The following CREB5 variants were observed in gnomAD, a reference collection of about 807,000 sequenced individuals.
CREB5 encodes the protein cyclic AMP-responsive element-binding protein 5.
CREB5 carries 19 observed loss-of-function variants against 57.1 expected under a neutral mutation model. The ratio of observed to expected loss-of-function variants is 0.33; its 90% CI spans 0.23 to 0.49. The LOEUF (loss-of-function observed/expected upper bound fraction) is 0.49, where lower values mean the gene tolerates loss of function less well. Among genes scored for constraint, CREB5 ranks in the 20% least tolerant of loss-of-function variants. The pLI, the probability that CREB5 is intolerant of heterozygous loss-of-function variation, is 0.99. For missense variants in CREB5, 579 were observed against 671.6 expected (o/e 0.86, Z 1.52); for synonymous variants, 238 against 238.3 (o/e 1.00, Z 0.01).
intron 5 of CREB5, among the ~76,000 whole-genome samples, chr7:28,583,484 G>A (rs151025064): frequency 1.4e-4 from 22 of 152,238 alleles, no homozygotes; most frequent in African/African-American, 5.3e-4. Context: ...ATGGGGATCT[G>A]TCCATTTCAA....
intron 5 of CREB5, among the ~76,000 whole-genome samples, chr7:28,647,626 G>T (rs1277194120): frequency 3.3e-5 from 5 of 152,134 alleles, no homozygotes; most frequent in Non-Finnish European, 7.4e-5. Flanking sequence ...AGTTGGCCAG[G>T]ATAATTCTTA....
At chr7:28,726,531 A>C (rs1803347583) in intron 7 of CREB5, 1 of 152,162 alleles carries the variant, frequency 6.6e-6, no homozygotes, top group Non-Finnish European at 1.5e-5. Flanking sequence ...GTGAAGGAAA[A>C]AAAAAACTTG....
At chr7:28,467,623 A>G in intron 1 of CREB5, among the ~76,000 whole-genome samples, 1 of 152,174 alleles carries the variant, frequency 6.6e-6, no homozygotes, top group East Asian at 1.9e-4. Flanking sequence ...AAGCAGAAAG[A>G]GAAGTTGCTG....
chr7:28,686,056 C>A, intron 5 of CREB5: 1 of 1,437,406 alleles, frequency 7.0e-7, no homozygotes, highest in Non-Finnish European at 9.7e-7. Context: ...CACATTACAT[C>A]ATCGCTTGGC....
Position 28,673,961 on chromosome 7 carries a change from C to A in CREB5, c.465-44792C>A, listed in dbSNP as rs1049590766. Among the ~76,000 whole-genome samples, 6 of 152,032 alleles carry A rather than the reference C, an allele frequency of 3.9e-5. No homozygotes were observed. In the South Asian group the frequency reaches 1.0e-3, roughly 26 times the overall value. On this transcript the variant is annotated intron_variant, in intron 5 of 10. Coordinates refer to ENST00000357727, the MANE Select transcript of CREB5 (RefSeq NM_182898.4). ...AGTGCCAGAATTACAGGTGTGGCTG[C>A]CATGTCCAACCAATTTATCTCTTGC...
intron 5 of CREB5, among the ~76,000 whole-genome samples, chr7:28,618,869 A>G (rs1797688894): frequency 6.6e-6 from 1 of 152,242 alleles, no homozygotes; most frequent in South Asian, 2.1e-4. Context: ...GAGGTTAGGT[A>G]TGGTTCTGAC....
intron 5 of CREB5, among the ~76,000 whole-genome samples, chr7:28,605,218 A>T (rs534928309): frequency 6.6e-6 from 1 of 152,322 alleles, no homozygotes; most frequent in South Asian, 2.1e-4. Flanking sequence ...GAAAGTATTC[A>T]TATTTGGTGG....
intron 5 of CREB5, among the ~76,000 whole-genome samples, chr7:28,695,084 G>T (rs1033280963): frequency 1.3e-5 from 2 of 151,982 alleles, no homozygotes; most frequent in African/African-American, 4.8e-5. Context: ...AAAATTAGCC[G>T]GGCATGGTAT....
intron 7 of CREB5, among the ~76,000 whole-genome samples, chr7:28,796,711 A>G (rs1583765906): frequency 1.3e-5 from 2 of 152,284 alleles, no homozygotes; most frequent in Middle Eastern, 3.4e-3. Flanking sequence ...CATTTCTCCA[A>G]TAGATTTCTT....
chr7:28,733,808 G>A (rs909448769), intron 7 of CREB5, among the ~76,000 whole-genome samples: 3 of 152,120 alleles, frequency 2.0e-5, no homozygotes, highest in East Asian at 1.9e-4. Flanking sequence ...ATAGAATGAA[G>A]GAAGAAAAGT....
chr7:28,328,264 A>C (rs1452018042), intron 1 of CREB5, among the ~76,000 whole-genome samples: 1 of 152,202 alleles, frequency 6.6e-6, no homozygotes, highest in Admixed American at 6.5e-5. Flanking sequence ...TCTTAGTAAA[A>C]TCCAATTTAT....
chr7:28,815,243 A>G (rs1809358868), intron 9 of CREB5, among the ~76,000 whole-genome samples: 1 of 152,232 alleles, frequency 6.6e-6, no homozygotes, highest in South Asian at 2.1e-4. Flanking sequence ...ACTGTAGTCC[A>G]GCCTGGACGA....
chr7:28,413,277 A>C (rs907314278), intron 1 of CREB5, among the ~76,000 whole-genome samples: 4 of 152,124 alleles, frequency 2.6e-5, no homozygotes, highest in African/African-American at 9.7e-5. Flanking sequence ...AAGTTTTAAT[A>C]AGAAAGTTCT....
intron 7 of CREB5, among the ~76,000 whole-genome samples, chr7:28,747,803 A>G (rs760248775): frequency 9.2e-5 from 14 of 152,204 alleles, no homozygotes; most frequent in Non-Finnish European, 1.6e-4. Flanking sequence ...CCAGCATGTA[A>G]TGGATGCTGA....
chr7:28,512,256 G>A (rs891508556), intron 4 of CREB5, among the ~76,000 whole-genome samples: 13 of 152,286 alleles, frequency 8.5e-5, no homozygotes, highest in Non-Finnish European at 1.8e-4. Flanking sequence ...ATGTAGAAAC[G>A]GTGTTTATGT....
At chr7:28,465,098 G>C (rs988329280) in intron 1 of CREB5, among the ~76,000 whole-genome samples, 1 of 152,192 alleles carries the variant, frequency 6.6e-6, no homozygotes, top group African/African-American at 2.4e-5. Context: ...AACATCAGAA[G>C]TCCAGAGGAT....
At chr7:28,610,160 T>C (rs1005944803) in intron 5 of CREB5, among the ~76,000 whole-genome samples, 2 of 152,144 alleles carry the variant, frequency 1.3e-5, no homozygotes, top group Non-Finnish European at 2.9e-5. Flanking sequence ...TTATGGTATA[T>C]GTTCAGAGCT....
chr7:28,735,279 C>T (rs1258346085), intron 7 of CREB5, among the ~76,000 whole-genome samples: 1 of 152,152 alleles, frequency 6.6e-6, no homozygotes, highest in Non-Finnish European at 1.5e-5. Flanking sequence ...ATTACTCTGG[C>T]TCTTTCACAT....
chr7:28,382,804 C>T (rs1225567122), intron 1 of CREB5, among the ~76,000 whole-genome samples: 1 of 151,852 alleles, frequency 6.6e-6, no homozygotes, highest in Non-Finnish European at 1.5e-5. Flanking sequence ...ACTCACCTGG[C>T]AGCAGAGGAG....
Sources: allele counts gnomAD v4.1 joint callset (sites outside exome capture counted in the v4.1 genomes callset), GRCh38; gene constraint gnomAD v4.1.1; transcripts MANE v1.5; gene names NCBI Gene and HGNC (gene_info 2026-07-23, HGNC 2026-07-21).